The following ASAP1 variants were observed in gnomAD, a reference collection of about 807,000 sequenced individuals.
ASAP1 encodes the protein ArfGAP with SH3 domain, ankyrin repeat and PH domain 1, also known as arf-GAP with SH3 domain, ANK repeat and PH domain-containing protein 1.
ASAP1 carries 43 observed loss-of-function variants against 145.2 expected under a neutral mutation model. The observed-to-expected ratio is 0.30, with a 90% CI of 0.23 to 0.38. The LOEUF (loss-of-function observed/expected upper bound fraction) is 0.38. Among genes scored for constraint, ASAP1 ranks in the 10% least tolerant of loss-of-function variants. The pLI is 1.00. For missense variants in ASAP1, 1,018 were observed against 1,355.3 expected (o/e 0.75, Z 3.91); for synonymous variants, 546 against 515.5 (o/e 1.06, Z -0.80).
intron 2 of ASAP1, among the ~76,000 whole-genome samples, chr8:130,360,133 T>A (rs1228943344): frequency 2.0e-5 from 3 of 152,218 alleles, no homozygotes; most frequent in African/African-American, 7.2e-5. Context: ...CCTGCTCTCA[T>A]GAAGCTTACC....
intron 3 of ASAP1, among the ~76,000 whole-genome samples, chr8:130,263,120 G>A (rs1820040333): frequency 6.6e-6 from 1 of 152,190 alleles, no homozygotes; most frequent in African/African-American, 2.4e-5. Flanking sequence ...TATAGTGTCT[G>A]ATTACGTGTG....
chr8:130,193,925 T>C (rs754489947), intron 5 of ASAP1, among the ~76,000 whole-genome samples: 1 of 152,280 alleles, frequency 6.6e-6, no homozygotes, highest in Non-Finnish European at 1.5e-5. Context: ...CCTGGCCTCA[T>C]GTGATCTGCC....
intron 5 of ASAP1, 53 bp downstream of exon 5, chr8:130,214,502 CG>C: frequency 6.7e-7 from 1 of 1,493,584 alleles, no homozygotes; most frequent in Non-Finnish European, 9.1e-7. Flanking sequence ...CTCTATATGA[CG>C]TAATATTTTG....
At chr8:130,081,656 C>CT (rs1368589975) in intron 25 of ASAP1, among the ~76,000 whole-genome samples, 2 of 152,128 alleles carry the variant, frequency 1.3e-5, no homozygotes, top group Non-Finnish European at 2.9e-5. Flanking sequence ...TGCCCACATG[C>CT]TTTTATATTC....
intron 3 of ASAP1, among the ~76,000 whole-genome samples, chr8:130,313,003 C>T (rs1472308494): frequency 6.6e-6 from 1 of 152,162 alleles, no homozygotes; most frequent in East Asian, 1.9e-4. Flanking sequence ...CAAATGAAAG[C>T]AATCATAGCA....
At chr8:130,087,358 A>G (rs567500594) in intron 25 of ASAP1, among the ~76,000 whole-genome samples, 1 of 152,270 alleles carries the variant, frequency 6.6e-6, no homozygotes, top group East Asian at 1.9e-4. Flanking sequence ...CGTCTCTATT[A>G]AAAATACAAA....
chr8:130,076,445 C>G (rs771701018), intron 26 of ASAP1, 39 bp from the exon 27 acceptor site: 41 of 1,384,910 alleles, frequency 3.0e-5, no homozygotes, highest in Non-Finnish European at 4.0e-5. Flanking sequence ...TCTAAAAGTG[C>G]TAGAATATCA....
At chr8:130,079,790 G>T in intron 26 of ASAP1, 112 bp downstream of exon 26, 1 of 1,099,198 alleles carries the variant, frequency 9.1e-7, no homozygotes. Flanking sequence ...TGCCCCACTT[G>T]GCTGACCACA....
chr8:130,316,110 G>T (rs1823647583), intron 3 of ASAP1, among the ~76,000 whole-genome samples: 1 of 152,180 alleles, frequency 6.6e-6, no homozygotes, highest in African/African-American at 2.4e-5. Context: ...CTCAAAGAAT[G>T]CTGTCCCTTT....
chr8:130,340,128 C>T (rs746463099), intron 3 of ASAP1, among the ~76,000 whole-genome samples: 2 of 152,188 alleles, frequency 1.3e-5, no homozygotes, highest in African/African-American at 4.8e-5. Context: ...CATTTCGGCA[C>T]AGTGGGTTCT....
At chr8:130,343,266 T>C (rs760552748) in intron 3 of ASAP1, among the ~76,000 whole-genome samples, 2 of 152,194 alleles carry the variant, frequency 1.3e-5, no homozygotes, top group Non-Finnish European at 2.9e-5. Flanking sequence ...GAGAAGTCAC[T>C]ACTAAGGCGG....
At chr8:130,291,468 C>A (rs572938883) in intron 3 of ASAP1, among the ~76,000 whole-genome samples, 24 of 152,230 alleles carry the variant, frequency 1.6e-4, no homozygotes, top group African/African-American at 5.8e-4. Context: ...CTCTGAGATG[C>A]CTCAAGAAAG....
Position 130,066,148 on chromosome 8 carries a change from A to AT in ASAP1, c.2702-5080dup, listed in dbSNP as rs200667825. Among the ~76,000 whole-genome samples, 1,249 of 152,318 alleles carry AT rather than the reference A, an allele frequency of 8.2e-3. 23 individuals carry two copies. The highest frequency in any genetic ancestry group is 0.029 in the African/African-American group (1,190 of 41,564). On this transcript the variant is annotated intron_variant, in intron 27 of 29. Transcript: ENST00000518721. ...ATAGATTAGTAAGAATGACAGAGGT[A>AT]TTTCCTTTGCCTTCCCAATAAAATC...
intron 5 of ASAP1, among the ~76,000 whole-genome samples, chr8:130,198,173 A>G (rs1815633213): frequency 1.3e-5 from 2 of 149,042 alleles, no homozygotes; most frequent in South Asian, 4.2e-4. Context: ...TTACTCTGTC[A>G]TCCAGGCTGG....
At chr8:130,153,259 C>A (rs2097650435) in intron 12 of ASAP1, among the ~76,000 whole-genome samples, 1 of 149,404 alleles carries the variant, frequency 6.7e-6, no homozygotes, top group Non-Finnish European at 1.5e-5. Context: ...ACCTCATGAT[C>A]CACCAGCCTT....
rs1412597033 is a variant in ASAP1 at position 130,358,607 on chromosome 8, C to A, written c.60-464G>T. 6.8e-6 allele frequency among the ~76,000 whole-genome samples: 1 copy of A among 146,510 alleles called. No homozygotes were observed. The highest frequency in any genetic ancestry group is 2.5e-5 in the African/African-American group (1 of 40,506). ...GGGCCTGACTGACTGAGCGCACACT[C>A]CCGCGGCGGGCGGGCGGGCGGGCGG... On this transcript the variant is annotated intron_variant, in intron 2 of 29. Transcript: ENST00000518721. This position sits in a 1 kb window ranked among gnomAD's most constrained non-coding sequence, Gnocchi z 4.1.
intron 3 of ASAP1, among the ~76,000 whole-genome samples, chr8:130,294,893 T>C (rs1398192572): frequency 6.6e-6 from 1 of 152,106 alleles, no homozygotes; most frequent in Admixed American, 6.5e-5. Flanking sequence ...TTAACATGTC[T>C]GGAAGTAAAA....
chr8:130,180,006 AAG>A (rs1196517344), intron 8 of ASAP1, among the ~76,000 whole-genome samples: 9 of 145,646 alleles, frequency 6.2e-5, no homozygotes, highest in African/African-American at 2.0e-4. Context: ...AGAGGTGAGA[AAG>A]AGAGAGAGAG....
intron 1 of ASAP1, among the ~76,000 whole-genome samples, chr8:130,436,932 C>G (rs1212147044): frequency 6.6e-6 from 1 of 151,724 alleles, no homozygotes; most frequent in African/African-American, 2.4e-5. Flanking sequence ...CATGGTGAAA[C>G]CCCATCTCTA....
Sources: gnomAD v4.1 joint callset for allele counts (sites outside exome capture counted in the v4.1 genomes callset) on GRCh38, gnomAD v4.1.1 for gene constraint, Gnocchi (gnomAD v3.1) non-coding constraint, MANE v1.5 for transcripts, NCBI Gene and HGNC (gene_info 2026-07-23, HGNC 2026-07-21) for gene names.